Variants in BTBD9 observed in about 807,000 individuals in gnomAD.
BTBD9 encodes the protein BTB/POZ domain-containing protein 9.
Under a neutral mutation model 64.3 loss-of-function variants are expected in BTBD9, and 49 were observed. That is an observed-to-expected ratio of 0.76 (90% CI 0.61 to 0.97). The LOEUF (loss-of-function observed/expected upper bound fraction) is 0.97, where lower values mean the gene tolerates loss of function less well. BTBD9 is among the 50% of genes least tolerant of loss of function. The pLI is 0.00. For missense variants in BTBD9, 598 were observed against 762.1 expected, an observed-to-expected ratio of 0.78 and a Z score of 2.53; for synonymous variants, 260 against 274.7, an observed-to-expected ratio of 0.95 and a Z score of 0.53.
At chr6:38,244,039 A>C (rs1381691110) in intron 9 of BTBD9, among the ~76,000 whole-genome samples, 1 of 151,816 alleles carries the variant, frequency 6.6e-6, no homozygotes, top group African/African-American at 2.4e-5. Context: ...AAACTGAGGC[A>C]GGTCACTTTA....
In BTBD9 at chr6:38,188,288, T is replaced by C. The variant is rs535857466; in HGVS notation, c.1641+4231A>G. Among the ~76,000 whole-genome samples, 5 of 152,358 alleles carry C rather than the reference T, an allele frequency of 3.3e-5. No individual in the cohort carries two copies. In the South Asian group the frequency reaches 6.2e-4, roughly 19 times the overall value. On this transcript the variant is annotated intron_variant, in intron 10 of 10. Transcript: ENST00000481247. Reference sequence around the variant, plus strand: ...GGTCTCTCTAAACAGCCAGCTGCTCTGCTAGCTGCTACTTACACACTGTCC... The same window carrying C: ...GGTCTCTCTAAACAGCCAGCTGCTCCGCTAGCTGCTACTTACACACTGTCC...
chr6:38,228,058 T>C (rs1300050239), intron 9 of BTBD9, among the ~76,000 whole-genome samples: 1 of 152,102 alleles, frequency 6.6e-6, no homozygotes, highest in East Asian at 1.9e-4. Flanking sequence ...CCATAAAATG[T>C]ATAACACCAG....
chr6:38,286,274 C>CT (rs1278443798), intron 8 of BTBD9, among the ~76,000 whole-genome samples: 5 of 152,304 alleles, frequency 3.3e-5, no homozygotes, highest in Admixed American at 1.3e-4. Flanking sequence ...TTAGGGTGCC[C>CT]TGGGGAACCA....
At chr6:38,486,806 G>A (rs1248492112) in intron 6 of BTBD9, among the ~76,000 whole-genome samples, 1 of 152,214 alleles carries the variant, frequency 6.6e-6, no homozygotes, top group Non-Finnish European at 1.5e-5. Context: ...CAAAACACTT[G>A]TTGAACACGG....
chr6:38,517,789 TAGCTGGCTCTATAACACATCGA>T (rs1773102430), intron 6 of BTBD9, among the ~76,000 whole-genome samples: 1 of 152,204 alleles, frequency 6.6e-6, no homozygotes, highest in African/African-American at 2.4e-5. Flanking sequence ...AAGCAAAAGC[TAGCTGGCTCTATAACACATCGA>T]ATCCATTTCT....
chr6:38,256,107 G>A (rs1764570076), intron 9 of BTBD9, among the ~76,000 whole-genome samples: 1 of 151,878 alleles, frequency 6.6e-6, no homozygotes, highest in Non-Finnish European at 1.5e-5. Context: ...GGCATGGCGG[G>A]GTGGGGGGTC....
At position 38,465,735 on chromosome 6, in the gene BTBD9, ATATATATATATATATATATATGTATG is replaced by A. The variant is rs1271105921; in HGVS notation, c.1154+111839_1154+111864del. 4.9e-4 allele frequency among the ~76,000 whole-genome samples: 26 copies of A among 52,880 alleles called. No homozygotes were observed. The South Asian group carries it at 8.3e-3, about 17-fold the overall frequency. 34.7% of individuals were successfully genotyped at this position (52,880 alleles called of 152,430 possible). Reference sequence around the variant, plus strand: ...TATATATATATATATATATATATATATATATATATATATATATATATGTATGTATGTATGTATTTCAGTTATTTATT... The same window carrying A: ...TATATATATATATATATATATATATATATGTATGTATTTCAGTTATTTATT... On this transcript the variant is annotated intron_variant, in intron 6 of 10. Transcript: ENST00000481247.
chr6:38,351,778 C>T (rs1764525165), intron 6 of BTBD9, among the ~76,000 whole-genome samples: 1 of 151,972 alleles, frequency 6.6e-6, no homozygotes, highest in African/African-American at 2.4e-5. Context: ...GGATTACAGG[C>T]ATGAGCCACC....
intron 1 of BTBD9, among the ~76,000 whole-genome samples, chr6:38,617,959 G>A (rs1324672026): frequency 6.6e-6 from 1 of 152,172 alleles, no homozygotes; most frequent in Admixed American, 6.5e-5. Flanking sequence ...TGAGAATGTG[G>A]TGGTTAAGAG....
At chr6:38,409,748 C>T (rs1408866230) in intron 6 of BTBD9, among the ~76,000 whole-genome samples, 6 of 151,822 alleles carry the variant, frequency 4.0e-5, no homozygotes, top group Non-Finnish European at 5.9e-5. Flanking sequence ...CTCTTGAACC[C>T]AGGAGGTAAA....
intron 6 of BTBD9, among the ~76,000 whole-genome samples, chr6:38,565,788 C>T (rs1478295285): frequency 2.0e-5 from 3 of 152,158 alleles, no homozygotes; most frequent in Non-Finnish European, 4.4e-5. Context: ...ATACTTTGAC[C>T]TTGCTTGTTT....
intron 1 of BTBD9, among the ~76,000 whole-genome samples, chr6:38,614,816 C>T (rs900929026): frequency 6.6e-6 from 1 of 152,172 alleles, no homozygotes. Flanking sequence ...AGTGATCTCC[C>T]GCTTTCCACT....
chr6:38,192,179 G>C (rs1001421383), intron 10 of BTBD9, among the ~76,000 whole-genome samples: 3 of 152,190 alleles, frequency 2.0e-5, no homozygotes, highest in Non-Finnish European at 2.9e-5. Flanking sequence ...CGCTCAGAGG[G>C]GCAAGAAACC....
At chr6:38,565,799 A>G (rs1356447928) in intron 6 of BTBD9, among the ~76,000 whole-genome samples, 1 of 152,242 alleles carries the variant, frequency 6.6e-6, no homozygotes, top group Non-Finnish European at 1.5e-5. Flanking sequence ...TTGCTTGTTT[A>G]GAGATAATCA....
At chr6:38,274,893 T>C (rs905411175) in intron 8 of BTBD9, among the ~76,000 whole-genome samples, 1 of 152,182 alleles carries the variant, frequency 6.6e-6, no homozygotes, top group Non-Finnish European at 1.5e-5. Context: ...GCTGGCCTCA[T>C]AAAATGAGTT....
intron 6 of BTBD9, among the ~76,000 whole-genome samples, chr6:38,556,592 G>C (rs1775034516): frequency 6.7e-6 from 1 of 149,496 alleles, no homozygotes. Context: ...TCACCCAGGA[G>C]TAAAAGTTAT....
chr6:38,429,858 C>T (rs1768359637), intron 6 of BTBD9, among the ~76,000 whole-genome samples: 1 of 151,908 alleles, frequency 6.6e-6, no homozygotes, highest in African/African-American at 2.4e-5. Context: ...TATTAGGCTT[C>T]TTGCTAAAAA....
At chr6:38,484,935 T>C (rs913503959) in intron 6 of BTBD9, among the ~76,000 whole-genome samples, 2 of 152,192 alleles carry the variant, frequency 1.3e-5, no homozygotes, top group African/African-American at 4.8e-5. Context: ...GTCTGCTGCA[T>C]CTATTGACTC....
chr6:38,329,938 A>G (rs887075290), intron 7 of BTBD9, among the ~76,000 whole-genome samples: 1 of 151,956 alleles, frequency 6.6e-6, no homozygotes, highest in Non-Finnish European at 1.5e-5. Flanking sequence ...GGGCAACAAG[A>G]GCAAAATTCC....
Sources: allele counts gnomAD v4.1 joint callset (sites outside exome capture counted in the v4.1 genomes callset), GRCh38; gene constraint gnomAD v4.1.1; transcripts MANE v1.5; gene names NCBI Gene and HGNC (gene_info 2026-07-23, HGNC 2026-07-21).